Variants in PDZD2 observed in about 807,000 individuals in gnomAD.
The protein encoded by PDZD2 is PDZ domain containing 2.
A neutral mutation model predicts 220.7 loss-of-function variants in PDZD2; 90 were observed. That is an observed-to-expected ratio of 0.41 (90% CI 0.34 to 0.49). PDZD2 has a LOEUF of 0.49. Ranked by LOEUF, PDZD2 falls within the 20% of genes least tolerant of loss-of-function variation. The pLI is 0.28. For missense variants in PDZD2, 3,174 were observed against 3,608.5 expected, an observed-to-expected ratio of 0.88 and a Z score of 3.08; for synonymous variants, 1,375 against 1,450.5, an observed-to-expected ratio of 0.95 and a Z score of 1.18.
intron 2 of PDZD2, chr5:31,823,248 C>T (rs914041121): frequency 2.0e-5 from 7 of 344,628 alleles, no homozygotes; most frequent in Admixed American, 4.1e-5. Context: ...AGGTAGATCA[C>T]GAGGTCAGGA....
At chr5:32,043,071 T>G in intron 7 of PDZD2, among the ~76,000 whole-genome samples, 1 of 152,218 alleles carries the variant, frequency 6.6e-6, no homozygotes, top group East Asian at 1.9e-4. Context: ...TGGGGAATCT[T>G]GAAAAGAATT....
chr5:31,814,795 G>A (rs1330117547), intron 2 of PDZD2, among the ~76,000 whole-genome samples: 2 of 151,960 alleles, frequency 1.3e-5, no homozygotes, highest in East Asian at 1.9e-4. Flanking sequence ...TCCTGCCTGG[G>A]TGACAGCGAG....
At chr5:31,675,008 C>A (rs1746351647) in intron 1 of PDZD2, among the ~76,000 whole-genome samples, 1 of 152,088 alleles carries the variant, frequency 6.6e-6, no homozygotes, top group African/African-American at 2.4e-5. Flanking sequence ...ATGTGGGAAC[C>A]GGGTGCTGTG....
At chr5:32,037,618 C>T (rs1249051352) in intron 7 of PDZD2, among the ~76,000 whole-genome samples, 3 of 152,066 alleles carry the variant, frequency 2.0e-5, no homozygotes, top group Admixed American at 6.6e-5. Context: ...TCGTTTACTT[C>T]GATCAGATTT....
intron 2 of PDZD2, among the ~76,000 whole-genome samples, chr5:31,819,516 G>T (rs1975042): frequency 6.6e-6 from 1 of 151,554 alleles, no homozygotes; most frequent in Non-Finnish European, 1.5e-5. Flanking sequence ...AATTAGCTGC[G>T]AGTGGTGATG....
chr5:31,805,627 G>A (rs906445793), intron 2 of PDZD2, among the ~76,000 whole-genome samples: 1 of 152,116 alleles, frequency 6.6e-6, no homozygotes, highest in Non-Finnish European at 1.5e-5. Context: ...AATCTCTTCT[G>A]CTCCCTGTCA....
rs1415881019 is a variant in PDZD2, at chr5:32,088,976, A to G, written c.5528A>G (p.Lys1843Arg). 2 of 1,614,046 alleles carry G rather than the reference A, an allele frequency of 1.2e-6. No individual in the cohort carries two copies. Among genetic ancestry groups the G allele is most frequent in the East Asian group, 4.5e-5 (2 of 44,888 alleles). ...CAGATGGTGAGTTCAAGCCAAAAAAAGGGCGTTACTGTGCCTCATAGCCCT... is the reference window on the plus strand; with the variant it reads ...CAGATGGTGAGTTCAAGCCAAAAAAGGGGCGTTACTGTGCCTCATAGCCCT... ...KIQMVSSSQKKGVTVPHSPPQ... is the reference protein window; with the variant it reads ...KIQMVSSSQKRGVTVPHSPPQ... Residue 1843 changes from lysine to arginine, a missense_variant, in exon 20 of 25, where the codon AAG becomes AGG. Coordinates refer to ENST00000438447, the MANE Select transcript of PDZD2 (RefSeq NM_178140.4). This position sits in a 1 kb window ranked among gnomAD's most constrained non-coding sequence, Gnocchi z 4.6.
At chr5:31,927,333 ATTGT>A (rs771520377) in intron 2 of PDZD2, among the ~76,000 whole-genome samples, 48 of 152,136 alleles carry the variant, frequency 3.2e-4, no homozygotes, top group Non-Finnish European at 4.3e-4. Context: ...AATGTGTCTG[ATTGT>A]TTGGTAGTCA....
At chr5:32,019,878 C>G (rs77246226) in intron 6 of PDZD2, among the ~76,000 whole-genome samples, 1,878 of 152,082 alleles carry the variant, frequency 0.012, 32 homozygotes, top group African/African-American at 0.041. Flanking sequence ...AAGTTTCTTC[C>G]TGTCTTTGCG....
chr5:31,654,591 A>G (rs1241298718), intron 1 of PDZD2, among the ~76,000 whole-genome samples: 1 of 152,042 alleles, frequency 6.6e-6, no homozygotes, highest in Non-Finnish European at 1.5e-5. Flanking sequence ...AAACTTTAAC[A>G]TCTGAAACTG....
chr5:31,698,055 A>G (rs1428591574), intron 1 of PDZD2, among the ~76,000 whole-genome samples: 2 of 147,626 alleles, frequency 1.4e-5, no homozygotes, highest in Admixed American at 6.9e-5. Context: ...GTTGCGTGCC[A>G]CCGCACCCAG....
chr5:31,972,746 A>T (rs576371041), intron 2 of PDZD2, among the ~76,000 whole-genome samples: 1 of 152,314 alleles, frequency 6.6e-6, no homozygotes, highest in South Asian at 2.1e-4. Flanking sequence ...TTCCCTGATG[A>T]GGTGAGACTG....
At chr5:32,050,846 A>G (rs1363824014) in intron 8 of PDZD2, among the ~76,000 whole-genome samples, 1 of 152,100 alleles carries the variant, frequency 6.6e-6, no homozygotes, top group Non-Finnish European at 1.5e-5. Context: ...AAATAAATAA[A>G]TAAGTATTAT....
At chr5:32,010,710 A>AG in intron 6 of PDZD2, 1 of 555,130 alleles carries the variant, frequency 1.8e-6, no homozygotes. Flanking sequence ...TAAGCAACCC[A>AG]GGGGGCTGGG....
chr5:31,937,505 G>A (rs959344577), intron 2 of PDZD2, among the ~76,000 whole-genome samples: 2 of 152,154 alleles, frequency 1.3e-5, no homozygotes, highest in East Asian at 1.9e-4. Flanking sequence ...GCATCCTCAT[G>A]CTGTGGTCAT....
chr5:31,957,949 C>A (rs1284330557), intron 2 of PDZD2, among the ~76,000 whole-genome samples: 4 of 152,178 alleles, frequency 2.6e-5, no homozygotes, highest in African/African-American at 9.6e-5. Context: ...CTGGAAATCT[C>A]TTTCATCTTG....
intron 7 of PDZD2, among the ~76,000 whole-genome samples, chr5:32,038,211 G>A (rs1044036362): frequency 7.0e-6 from 1 of 143,784 alleles, no homozygotes; most frequent in Non-Finnish European, 1.5e-5. Context: ...AGTAAAAATA[G>A]TATTTTATGG....
In PDZD2 at chr5:31,995,679, T is replaced by C; in HGVS notation, c.1082T>C (p.Ile361Thr). The C allele has an allele frequency of 6.2e-7, 1 of 1,614,098 alleles. No individual in the cohort carries two copies. The highest frequency in any genetic ancestry group is 8.5e-7 in the Non-Finnish European group (1 of 1,180,024). Residue 361 changes from isoleucine (I) to threonine (T), a missense_variant, in exon 4 of 25, where the codon ATC (isoleucine) becomes ACC (threonine). By Grantham distance (89) the Ile-to-Thr change is moderately conservative. This residue lies in a region of PDZD2 where 632 missense variants were observed against 708.1 expected (regional missense o/e 0.89). Transcript: ENST00000438447. Reference sequence around the variant, plus strand: ...GGATCAAAGCGCTCACCTCACGCTATCGTTGTCACTCAAGTGAAGGAAGGA... The same window carrying C: ...GGATCAAAGCGCTCACCTCACGCTACCGTTGTCACTCAAGTGAAGGAAGGA... The part of the protein sequence containing the change: ...GRGSKRSPHA[I>T]VVTQVKEGGA...
chr5:31,713,985 G>T (rs1473670399), intron 1 of PDZD2, among the ~76,000 whole-genome samples: 1 of 152,178 alleles, frequency 6.6e-6, no homozygotes, highest in Non-Finnish European at 1.5e-5. Flanking sequence ...CCCAGCCTCA[G>T]GTATTCCTTT....
Sources: allele counts gnomAD v4.1 joint callset (sites outside exome capture counted in the v4.1 genomes callset), GRCh38; gene constraint gnomAD v4.1.1; regional missense constraint gnomAD v4.1.1; non-coding constraint Gnocchi (gnomAD v3.1); transcripts MANE v1.5; gene names NCBI Gene and HGNC (gene_info 2026-07-23, HGNC 2026-07-21).